DNAJB14: variants seen among roughly 807,000 people sequenced by gnomAD.
DNAJB14 encodes dnaJ homolog subfamily B member 14.
A neutral mutation model predicts 48.4 loss-of-function variants in DNAJB14; 22 were observed. That is an observed-to-expected ratio of 0.45 (90% CI 0.32 to 0.65). The LOEUF (loss-of-function observed/expected upper bound fraction) is 0.65. Among genes scored for constraint, DNAJB14 ranks in the 30% least tolerant of loss-of-function variants. The pLI is 0.03. For synonymous variants in DNAJB14, 142 were observed against 158.7 expected (o/e 0.89, Z 0.79); for missense variants, 319 against 458.8 (o/e 0.70, Z 2.78).
rs1448460334 is a variant in DNAJB14, at chr4:99,924,647, T to A, written c.306-1462A>T. 2.9e-6 allele frequency: 4 copies of A among 1,387,610 alleles called. No individual in the cohort carries two copies. In the Admixed American group the frequency reaches 7.3e-5, roughly 25 times the overall value. 86.0% of individuals were successfully genotyped at this position (1,387,610 alleles called of 1,614,324 possible). A position where few individuals can be genotyped will look rare whatever the true frequency, so the allele number is the denominator to read the frequency against. ...GTGTTCTAGGCATTTGACATATATC[T>A]GTAAACAAAAAAAGAGAATGATCCC... On this transcript the variant is annotated intron_variant, in intron 2 of 7. Coordinates refer to ENST00000442697, the MANE Select transcript of DNAJB14 (RefSeq NM_001031723.4).
chr4:99,933,364 G>A (rs1578234348), intron 1 of DNAJB14, among the ~76,000 whole-genome samples: 1 of 132,196 alleles, frequency 7.6e-6, no homozygotes, highest in Non-Finnish European at 1.5e-5. Context: ...GTATAATCTC[G>A]GTTCACTGCA....
At chr4:99,926,429 G>A (rs1040571555) in intron 2 of DNAJB14, 2 of 152,176 alleles carry the variant, frequency 1.3e-5, no homozygotes, top group Admixed American at 6.6e-5. Context: ...TGGAATAGAA[G>A]AGAAGCAGTT....
chr4:99,929,585 T>G (rs1427873890), intron 2 of DNAJB14: 1 of 152,110 alleles, frequency 6.6e-6, no homozygotes, highest in Non-Finnish European at 1.5e-5. Flanking sequence ...TTACAAATTA[T>G]GGTAAATAAA....
chr4:99,936,844 T>C (rs1726694231), intron 1 of DNAJB14, among the ~76,000 whole-genome samples: 1 of 152,226 alleles, frequency 6.6e-6, no homozygotes, highest in Non-Finnish European at 1.5e-5. Context: ...GAATGCTAAC[T>C]GATAAATGTA....
intron 3 of DNAJB14, among the ~76,000 whole-genome samples, chr4:99,913,908 T>C (rs1578219054): frequency 6.6e-6 from 1 of 152,178 alleles, no homozygotes; most frequent in African/African-American, 2.4e-5. Flanking sequence ...GACTAGCTTA[T>C]GGTTCTATAG....
At chr4:99,932,674 T>C (rs1268721823) in intron 1 of DNAJB14, among the ~76,000 whole-genome samples, 2 of 152,100 alleles carry the variant, frequency 1.3e-5, no homozygotes, top group Non-Finnish European at 2.9e-5. Context: ...AGAAATGATA[T>C]ACAAAAACTG....
At chr4:99,918,992 G>A (rs916574954) in intron 3 of DNAJB14, among the ~76,000 whole-genome samples, 2 of 152,062 alleles carry the variant, frequency 1.3e-5, no homozygotes, top group Non-Finnish European at 2.9e-5. Flanking sequence ...ATCCCAGCAG[G>A]GAGCTTAGAG....
chr4:99,938,784 A>G (rs573143183), intron 1 of DNAJB14, among the ~76,000 whole-genome samples: 334 of 152,280 alleles, frequency 2.2e-3, no homozygotes, highest in Admixed American at 3.9e-3. Flanking sequence ...ATTTTCCAAA[A>G]CTAAATGTAC....
intron 3 of DNAJB14, among the ~76,000 whole-genome samples, chr4:99,919,380 C>G (rs1250650422): frequency 6.6e-6 from 1 of 151,990 alleles, no homozygotes; most frequent in Admixed American, 6.5e-5. Flanking sequence ...GTCAGGAGTT[C>G]AAGACCAGCC....
At chr4:99,946,244 G>A (rs1026026354) in intron 1 of DNAJB14, among the ~76,000 whole-genome samples, 195 bp downstream of exon 1, 18 of 152,114 alleles carry the variant, frequency 1.2e-4, no homozygotes, top group Non-Finnish European at 4.4e-5. Flanking sequence ...AGCATTCCCC[G>A]AGCCCCAGCC....
At chr4:99,918,539 C>A (rs1222549057) in intron 3 of DNAJB14, among the ~76,000 whole-genome samples, 2 of 152,068 alleles carry the variant, frequency 1.3e-5, no homozygotes, top group Non-Finnish European at 2.9e-5. Flanking sequence ...TATTGTATTC[C>A]TCTGACTCCA....
chr4:99,920,788 A>G (rs1018571246), intron 3 of DNAJB14, among the ~76,000 whole-genome samples: 57 of 152,212 alleles, frequency 3.7e-4, no homozygotes, highest in African/African-American at 1.3e-3. Flanking sequence ...ACATCTCTTC[A>G]TTTAATTACT....
Position 99,930,611 on chromosome 4 carries a change from T to G in DNAJB14, c.144A>C (p.Glu48Asp), listed in dbSNP as rs1578232145. The G allele has an allele frequency of 2.5e-6, 4 of 1,610,696 alleles. No homozygotes were observed. Among genetic ancestry groups the G allele is most frequent in the East Asian group, 2.2e-5 (1 of 44,742 alleles). ...YPLPSARALLEIIMKNGSTAG... is the reference protein window; with the variant it reads ...YPLPSARALLDIIMKNGSTAG... ...CCGTGCTTCCATTTTTCATAATTAT[T>G]TCCAATAGTGCTGTAGAAAGATAAA... is the stretch of plus-strand genomic sequence containing the variant. Residue 48 changes from glutamate to aspartate, a missense_variant, in exon 2 of 8, where the codon GAA (glutamate) becomes GAC (aspartate). Glu to Asp is a conservative substitution (Grantham distance 45). Coordinates refer to ENST00000442697, the MANE Select transcript of DNAJB14 (RefSeq NM_001031723.4).
rs1453074497 is a variant in DNAJB14, at chr4:99,906,607, A to G, written c.642T>C (p.Ser214=). The G allele has an allele frequency of 1.2e-6, 2 of 1,610,322 alleles. No individual in the cohort carries two copies. The highest frequency in any genetic ancestry group is 1.7e-6 in the Non-Finnish European group (2 of 1,178,744). ...IFFGGGFPSG[S]VHSFSNGRAG... ...CTCTTCCATTTGAAAAAGAATGTACACTACCTAAAAAATTAAAAGCAAGGT... is the reference window on the plus strand; with the variant it reads ...CTCTTCCATTTGAAAAAGAATGTACGCTACCTAAAAAATTAAAAGCAAGGT... The change falls in exon 5 of 8, where the codon AGT becomes AGC. Residue 214 remains serine, a synonymous_variant. Coordinates refer to ENST00000442697, the MANE Select transcript of DNAJB14 (RefSeq NM_001031723.4).
chr4:99,933,928 T>C (rs540720773), intron 1 of DNAJB14, among the ~76,000 whole-genome samples: 162 of 152,080 alleles, frequency 1.1e-3, no homozygotes, highest in African/African-American at 3.8e-3. Flanking sequence ...ACAGGGACTC[T>C]CTATATAGCA....
intron 2 of DNAJB14, chr4:99,924,816 C>G: frequency 6.3e-7 from 1 of 1,577,468 alleles, no homozygotes; most frequent in Non-Finnish European, 8.7e-7. Flanking sequence ...CCATAAAGCT[C>G]TGAAAAATCA....
In DNAJB14 at chr4:99,930,582, C is replaced by T. The variant is rs1321258211; in HGVS notation, c.173G>A (p.Gly58Glu). 6.2e-7 allele frequency: 1 copy of T among 1,611,428 alleles called. No individual in the cohort carries two copies. Among genetic ancestry groups the T allele is most frequent in the African/African-American group, 1.3e-5 (1 of 74,844 alleles). Residue 58 changes from glycine (G) to glutamate (E), a missense_variant, in exon 2 of 8, where the codon GGA (glycine) becomes GAA (glutamate). Physicochemically the swap from Gly to Glu is moderately conservative, Grantham distance 98. Around this residue, in one of 3 missense-constraint regions of DNAJB14, gnomAD observed 116 missense variants for 134.6 expected, o/e 0.86. Coordinates refer to ENST00000442697, the MANE Select transcript of DNAJB14 (RefSeq NM_001031723.4). ...EIIMKNGSTA[G>E]NSPHCRKPSG... The stretch of plus-strand genomic sequence containing the variant: ...TGGTTTTCGGCAATGAGGGCTATTT[C>T]CAGCCGTGCTTCCATTTTTCATAAT...
rs1167945149 is a variant in DNAJB14, at chr4:99,934,789, C to CAA, written c.134-4170_134-4169dup. Among the ~76,000 whole-genome samples, 45 of 6,772 alleles carry CAA rather than the reference C, an allele frequency of 6.6e-3. 9 individuals carry two copies. Among genetic ancestry groups the CAA allele is most frequent in the Non-Finnish European group, 8.3e-3 (34 of 4,100 alleles). The allele number at this position is 6,772 out of a possible 152,430, so 4.4% of individuals were successfully genotyped here. ...CCTGGGTGACAGAGCAAGACTGTCTCAAAAAAAAAAAAAAAAAAAAAAAAA... is the reference window on the plus strand; with the variant it reads ...CCTGGGTGACAGAGCAAGACTGTCTCAAAAAAAAAAAAAAAAAAAAAAAAAAA... On this transcript the variant is annotated intron_variant, in intron 1 of 7. Transcript: ENST00000442697.
In DNAJB14 at chr4:99,908,015, C is replaced by T. The variant is rs112933511; in HGVS notation, c.637+696G>A. Among the ~76,000 whole-genome samples, 915 of 152,146 alleles carry T rather than the reference C, an allele frequency of 6.0e-3. 59 individuals carry two copies. In the East Asian group the frequency reaches 0.16, roughly 26 times the overall value. Reference sequence around the variant, plus strand: ...ACTGTTGTTTATATCAATTAGCCTGCGGTAAAATTAGTTGTTATACAGAAC... The same window carrying T: ...ACTGTTGTTTATATCAATTAGCCTGTGGTAAAATTAGTTGTTATACAGAAC... On this transcript the variant is annotated intron_variant, in intron 4 of 7. Transcript: ENST00000442697.
Sources: allele counts gnomAD v4.1 joint callset (sites outside exome capture counted in the v4.1 genomes callset), GRCh38; gene constraint gnomAD v4.1.1; regional missense constraint gnomAD v4.1.1; transcripts MANE v1.5; gene names NCBI Gene and HGNC (gene_info 2026-07-23, HGNC 2026-07-21).